Variants in TDRD5 observed in about 807,000 individuals in gnomAD.
The protein encoded by TDRD5 is tudor domain-containing protein 5.
A neutral mutation model predicts 120.6 loss-of-function variants in TDRD5; 41 were observed. The ratio of observed to expected loss-of-function variants is 0.34; its 90% CI spans 0.26 to 0.44. The LOEUF (loss-of-function observed/expected upper bound fraction) is 0.44. TDRD5 is among the 20% of genes least tolerant of loss of function. TDRD5 has a pLI of 1.00. For missense variants in TDRD5, 1,006 were observed against 1,221.2 expected, an observed-to-expected ratio of 0.82 and a Z score of 2.63; for synonymous variants, 430 against 433.7, an observed-to-expected ratio of 0.99 and a Z score of 0.11.
At chr1:179,609,349 C>T (rs1215380371) in intron 4 of TDRD5, among the ~76,000 whole-genome samples, 2 of 152,154 alleles carry the variant, frequency 1.3e-5, no homozygotes, top group East Asian at 1.9e-4. Context: ...CAATTTTATA[C>T]AATATTTTAG....
chr1:179,603,801 G>A (rs1283175143), intron 4 of TDRD5, among the ~76,000 whole-genome samples: 1 of 152,078 alleles, frequency 6.6e-6, no homozygotes. Context: ...AAGGATTTTA[G>A]CATCTATGTT....
chr1:179,649,424 A>G (rs1401497406), intron 11 of TDRD5, among the ~76,000 whole-genome samples: 1 of 151,990 alleles, frequency 6.6e-6, no homozygotes, highest in Non-Finnish European at 1.5e-5. Context: ...CGTATTTTAC[A>G]TCTGTCTGTC....
chr1:179,633,609 C>T (rs1420623260), intron 7 of TDRD5, among the ~76,000 whole-genome samples: 1 of 151,882 alleles, frequency 6.6e-6, no homozygotes, highest in Non-Finnish European at 1.5e-5. Context: ...CTCGGCCTCC[C>T]AAAGTGCTGG....
intron 4 of TDRD5, among the ~76,000 whole-genome samples, chr1:179,614,394 C>T (rs1410593): frequency 0.29 from 43,372 of 151,996 alleles, 7,038 homozygotes; most frequent in Admixed American, 0.39. Context: ...GACTTGTAGC[C>T]TAAGTTGGGC....
chr1:179,654,111 C>T, intron 13 of TDRD5, 90 bp from the exon 14 acceptor site: 1 of 1,138,574 alleles, frequency 8.8e-7, no homozygotes, highest in Non-Finnish European at 1.2e-6. Context: ...TGAACCATAG[C>T]AAAAACTTCC....
In TDRD5 at chr1:179,595,656, G is replaced by T. The variant is rs763079406; in HGVS notation, c.669G>T (p.Met223Ile). The T allele has an allele frequency of 6.3e-7, 1 of 1,592,476 alleles. No individual in the cohort carries two copies. The highest frequency in any genetic ancestry group is 8.5e-7 in the Non-Finnish European group (1 of 1,173,374). Residue 223 changes from methionine (M) to isoleucine (I), a missense_variant, in exon 4 of 18, where the codon ATG becomes ATT. Coordinates refer to ENST00000444136, the MANE Select transcript of TDRD5 (RefSeq NM_001199085.3). ...AGKIFTQPFR[M>I]KQGSYSTGFP... is the part of the protein sequence containing the mutation. The stretch of plus-strand genomic sequence containing the variant: ...AAATTTTTACCCAGCCATTTAGAAT[G>T]AAACAAGGGTCATACTCCACAGGCT...
intron 17 of TDRD5, among the ~76,000 whole-genome samples, chr1:179,671,201 C>T (rs559408306): frequency 6.4e-4 from 98 of 152,220 alleles, no homozygotes; most frequent in African/African-American, 2.3e-3. Flanking sequence ...TCCTCTTGGT[C>T]TATATGTCTG....
chr1:179,635,660 C>CT lies in TDRD5; in HGVS notation c.1300-5dup, dbSNP rs751477211. ...GAGATTTTTAATTTTTTTTTTCTAA[C>CT]TTATAGCAAGTAGAAACAAACAAAT... is the stretch of plus-strand genomic sequence containing the variant. On this transcript the variant is annotated splice_polypyrimidine_tract_variant and splice_region_variant and intron_variant, in intron 8 of 17. Transcript: ENST00000444136. 7.5e-6 allele frequency: 12 copies of CT among 1,609,950 alleles called. No individual in the cohort carries two copies. The highest frequency in any genetic ancestry group is 1.0e-5 in the Non-Finnish European group (12 of 1,178,448).
At chr1:179,637,288 C>T (rs989399234) in intron 9 of TDRD5, among the ~76,000 whole-genome samples, 1 of 152,078 alleles carries the variant, frequency 6.6e-6, no homozygotes, top group Non-Finnish European at 1.5e-5. Context: ...GACATTTGTA[C>T]GTGTTTTAAA....
In TDRD5 at chr1:179,591,921, G is replaced by T. The variant is rs889192673; in HGVS notation, c.-219G>T. On this transcript the variant is annotated 5_prime_UTR_variant, in exon 1 of 18. Coordinates refer to ENST00000444136, the MANE Select transcript of TDRD5 (RefSeq NM_001199085.3). ...TACTCGGCCCGCACCAGCAGCGCTG[G>T]CGTCAGGGCGCGGTGGGGGCAAGAC... 6.6e-6 allele frequency: 1 copy of T among 152,436 alleles called. No individual in the cohort carries two copies. Among genetic ancestry groups the T allele is most frequent in the Non-Finnish European group, 1.5e-5 (1 of 68,214 alleles). The allele number at this position is 152,436 out of a possible 1,614,324, so 9.4% of individuals were successfully genotyped here. A position where few individuals can be genotyped will look rare whatever the true frequency, so the allele number is the denominator to read the frequency against.
chr1:179,658,255 A>G (rs1264223696), intron 14 of TDRD5, among the ~76,000 whole-genome samples: 1 of 152,142 alleles, frequency 6.6e-6, no homozygotes, highest in African/African-American at 2.4e-5. Flanking sequence ...ACAGGTTGAT[A>G]CTGTCCTAAT....
chr1:179,624,935 A>C (rs1195058574), intron 6 of TDRD5, among the ~76,000 whole-genome samples: 6 of 152,118 alleles, frequency 3.9e-5, no homozygotes, highest in Non-Finnish European at 5.9e-5. Flanking sequence ...TATACACTGA[A>C]GTGATTTTTG....
chr1:179,666,873 G>A, intron 16 of TDRD5, among the ~76,000 whole-genome samples: 1 of 152,150 alleles, frequency 6.6e-6, no homozygotes, highest in East Asian at 1.9e-4. Context: ...GTGATTTGGG[G>A]CATTTGTTCA....
At chr1:179,675,420 C>T (rs1192671651) in intron 17 of TDRD5, among the ~76,000 whole-genome samples, 1 of 149,124 alleles carries the variant, frequency 6.7e-6, no homozygotes, top group Non-Finnish European at 1.5e-5. Flanking sequence ...GCTGGGATTA[C>T]AGGCGCCCAC....
chr1:179,628,324 C>CTTTTTTTTTTTTTTTTT (rs71569258), intron 6 of TDRD5, among the ~76,000 whole-genome samples: 3 of 54,632 alleles, frequency 5.5e-5, no homozygotes, highest in East Asian at 6.3e-4. Flanking sequence ...CTTTTCTTTT[C>CTTTTTTTTTTTTTTTTT]TTTTTTTTTT....
intron 17 of TDRD5, among the ~76,000 whole-genome samples, chr1:179,679,588 T>C (rs75748013): frequency 6.6e-6 from 1 of 152,118 alleles, no homozygotes; most frequent in Admixed American, 6.5e-5. Flanking sequence ...AAGTAAACTT[T>C]GGTAGTTTTG....
chr1:179,658,358 G>GT (rs1196209896), intron 14 of TDRD5, among the ~76,000 whole-genome samples: 1 of 152,128 alleles, frequency 6.6e-6, no homozygotes, highest in African/African-American at 2.4e-5. Context: ...TTTTTAAAAT[G>GT]TTTGATATTA....
intron 17 of TDRD5, among the ~76,000 whole-genome samples, chr1:179,689,995 C>T (rs763128406): frequency 8.5e-5 from 13 of 152,298 alleles, no homozygotes; most frequent in South Asian, 2.1e-4. Flanking sequence ...CGACCCCTTG[C>T]GCTTCCCCGG....
At chr1:179,592,417 C>G in intron 1 of TDRD5, 185 bp from the exon 2 acceptor site, 1 of 557,592 alleles carries the variant, frequency 1.8e-6, no homozygotes. Context: ...TTAATCAACG[C>G]AGGTGGAGAT....
Sources: allele counts gnomAD v4.1 joint callset (sites outside exome capture counted in the v4.1 genomes callset), GRCh38; gene constraint gnomAD v4.1.1; transcripts MANE v1.5; gene names NCBI Gene and HGNC (gene_info 2026-07-23, HGNC 2026-07-21).